TARS3: variants seen among roughly 807,000 people sequenced by gnomAD.
The protein encoded by TARS3 is threonine--tRNA ligase 2, cytoplasmic.
In TARS3, 94 loss-of-function variants were observed where a neutral mutation model predicts 103.5. The observed-to-expected ratio is 0.91, with a 90% CI of 0.77 to 1.08. The LOEUF (loss-of-function observed/expected upper bound fraction) is 1.08. Ranked by LOEUF, TARS3 falls within the 50% of genes least tolerant of loss-of-function variation. TARS3 has a pLI of 0.00. For synonymous variants in TARS3, 416 were observed against 355.4 expected (o/e 1.17, Z -1.92); for missense variants, 952 against 995.2 (o/e 0.96, Z 0.58).
chr15:101,714,513 G>A (rs972564393), intron 4 of TARS3, among the ~76,000 whole-genome samples: 19 of 149,972 alleles, frequency 1.3e-4, no homozygotes, highest in Non-Finnish European at 2.7e-4. Context: ...GCTGAGGTGG[G>A]AGGATCACCT....
At chr15:101,695,462 C>T (rs1039826751) in intron 10 of TARS3, among the ~76,000 whole-genome samples, 2 of 152,220 alleles carry the variant, frequency 1.3e-5, no homozygotes, top group African/African-American at 4.8e-5. Context: ...TATTCCACAG[C>T]ATGGACTTTC....
chr15:101,670,979 T>C (rs1390169238), intron 15 of TARS3, among the ~76,000 whole-genome samples: 1 of 152,034 alleles, frequency 6.6e-6, no homozygotes, highest in Non-Finnish European at 1.5e-5. Context: ...AGCCAGGGGT[T>C]AGGAGTAGGA....
At chr15:101,691,182 A>T (rs1319351809) in intron 10 of TARS3, among the ~76,000 whole-genome samples, 8 of 150,736 alleles carry the variant, frequency 5.3e-5, no homozygotes, top group Non-Finnish European at 1.0e-4. Context: ...CTCATGATCC[A>T]CCCGCCTCAG....
chr15:101,672,397 C>G (rs575964851), intron 13 of TARS3, among the ~76,000 whole-genome samples: 1 of 152,108 alleles, frequency 6.6e-6, no homozygotes, highest in East Asian at 1.9e-4. Flanking sequence ...CCAGTATTCC[C>G]GTGAATCCAG....
At chr15:101,719,666 G>A (rs960395717) in intron 3 of TARS3, among the ~76,000 whole-genome samples, 1 of 152,212 alleles carries the variant, frequency 6.6e-6, no homozygotes, top group Non-Finnish European at 1.5e-5. Flanking sequence ...TGGCCTCAAA[G>A]CATCATTGCT....
chr15:101,698,187 C>A (rs1899075950), intron 10 of TARS3, among the ~76,000 whole-genome samples: 1 of 151,956 alleles, frequency 6.6e-6, no homozygotes, highest in South Asian at 2.1e-4. Context: ...ATACAAAAAG[C>A]CTGGCATGGT....
intron 12 of TARS3, among the ~76,000 whole-genome samples, chr15:101,676,334 TG>T (rs1471685231): frequency 1.3e-5 from 2 of 152,134 alleles, no homozygotes; most frequent in African/African-American, 4.8e-5. Flanking sequence ...TCACAGTATG[TG>T]GAATGAACTG....
At chr15:101,683,695 T>C (rs933823337) in intron 12 of TARS3, among the ~76,000 whole-genome samples, 1 of 152,182 alleles carries the variant, frequency 6.6e-6, no homozygotes, top group Non-Finnish European at 1.5e-5. Context: ...TGTTGTTATA[T>C]AAACATCAAT....
chr15:101,702,278 T>C lies in TARS3; in HGVS notation c.1182A>G (p.Gln394=), dbSNP rs201870713. ...NKMMRDWEKF[Q]EEAKNRDHRK... is the part of the protein sequence containing the mutation. ...TGTGATCTCGGTTCTTTGCTTCCTC[T>C]TGGAACTTTTCCCAGTCTCTCATCA... Residue 394 remains glutamine (Q), a synonymous_variant, in exon 9 of 19, where the codon CAA becomes CAG. Coordinates refer to ENST00000335968, the MANE Select transcript of TARS3 (RefSeq NM_152334.3). 1 of 1,614,218 alleles carries C rather than the reference T, an allele frequency of 6.2e-7. No individual in the cohort carries two copies. The highest frequency in any genetic ancestry group is 2.2e-5 in the East Asian group (1 of 44,882).
At chr15:101,661,862 T>C (rs750928191) in intron 15 of TARS3, 46 bp from the exon 16 acceptor site, 9 of 1,196,384 alleles carry the variant, frequency 7.5e-6, no homozygotes, top group Non-Finnish European at 9.4e-6. Context: ...TAAGATTCAA[T>C]AACTATCTTC....
intron 16 of TARS3, among the ~76,000 whole-genome samples, chr15:101,660,202 G>A (rs970483182): frequency 6.6e-6 from 1 of 152,184 alleles, no homozygotes; most frequent in Non-Finnish European, 1.5e-5. Flanking sequence ...GTAGCAGTGG[G>A]GGCAGTAGTT....
chr15:101,675,988 C>T (rs1042280383), intron 12 of TARS3, among the ~76,000 whole-genome samples: 2 of 152,116 alleles, frequency 1.3e-5, no homozygotes, highest in African/African-American at 4.8e-5. Context: ...GAGAGCGGCA[C>T]GGAGGGGCTG....
At chr15:101,697,894 T>A (rs191396740) in intron 10 of TARS3, among the ~76,000 whole-genome samples, 1 of 152,350 alleles carries the variant, frequency 6.6e-6, no homozygotes, top group Non-Finnish European at 1.5e-5. Context: ...GATGTGGCTT[T>A]TATCTAACCG....
intron 12 of TARS3, among the ~76,000 whole-genome samples, chr15:101,677,586 C>G (rs1898081238): frequency 6.6e-6 from 1 of 152,056 alleles, no homozygotes; most frequent in Non-Finnish European, 1.5e-5. Flanking sequence ...ACAACCTCCA[C>G]CTCCCGGGTT....
intron 3 of TARS3, among the ~76,000 whole-genome samples, 199 bp downstream of exon 3, chr15:101,720,926 GT>G (rs1900421752): frequency 6.6e-6 from 1 of 152,194 alleles, no homozygotes; most frequent in African/African-American, 2.4e-5. Flanking sequence ...TGCCACGACT[GT>G]AAGTTTCCTG....
chr15:101,680,772 A>C (rs2141402455), intron 12 of TARS3, among the ~76,000 whole-genome samples: 1 of 152,342 alleles, frequency 6.6e-6, no homozygotes, highest in East Asian at 1.9e-4. Context: ...GTCTATGATC[A>C]GTATTTTTTG....
intron 13 of TARS3, among the ~76,000 whole-genome samples, chr15:101,673,443 T>C (rs1189585950): frequency 6.6e-6 from 1 of 152,214 alleles, no homozygotes; most frequent in Non-Finnish European, 1.5e-5. Context: ...AATTCCTTCA[T>C]TTAAGTTCAC....
At chr15:101,723,298 A>G (rs1373520659) in intron 1 of TARS3, 134 bp from the exon 2 acceptor site, 2 of 707,626 alleles carry the variant, frequency 2.8e-6, no homozygotes, top group Non-Finnish European at 5.0e-6. Context: ...ACCACCAGCT[A>G]CAGCTCTCAG....
chr15:101,720,312 A>G (rs1234365309), intron 3 of TARS3, among the ~76,000 whole-genome samples: 1 of 152,200 alleles, frequency 6.6e-6, no homozygotes, highest in Non-Finnish European at 1.5e-5. Context: ...CTTCTATACA[A>G]TTGTATTTAA....
Sources: allele counts gnomAD v4.1 joint callset (sites outside exome capture counted in the v4.1 genomes callset), GRCh38; gene constraint gnomAD v4.1.1; transcripts MANE v1.5; gene names NCBI Gene and HGNC (gene_info 2026-07-23, HGNC 2026-07-21).